Variants in TTC3 observed in about 807,000 individuals in gnomAD.
The protein encoded by TTC3 is tetratricopeptide repeat domain 3, also known as E3 ubiquitin-protein ligase TTC3.
A neutral mutation model predicts 249.6 loss-of-function variants in TTC3; 180 were observed. That is an observed-to-expected ratio of 0.72 (90% confidence interval 0.64 to 0.82). The LOEUF (loss-of-function observed/expected upper bound fraction) is 0.82. Ranked by LOEUF, TTC3 falls within the 40% of genes least tolerant of loss-of-function variation. The probability of loss-of-function intolerance (pLI) is 0.00; values close to 1 mark genes in which losing one functional copy is unlikely to be tolerated. For missense variants in TTC3, 2,061 were observed against 2,398.4 expected (o/e 0.86, Z 2.94); for synonymous variants, 717 against 805.0 (o/e 0.89, Z 1.85).
chr21:37,139,457 A>G (rs2078238652), intron 19 of TTC3, among the ~76,000 whole-genome samples: 1 of 152,166 alleles, frequency 6.6e-6, no homozygotes, highest in Admixed American at 6.5e-5. Flanking sequence ...GAAATGCTCT[A>G]GAATTACCTC....
exon 33 of TTC3, chr21:37,165,872 T>C (rs1439744534): frequency 6.2e-7 from 1 of 1,614,148 alleles, no homozygotes; most frequent in South Asian, 1.1e-5. Flanking sequence ...AGATGTAAAG[T>C]CTAAACCAGT....
intron 39 of TTC3, among the ~76,000 whole-genome samples, chr21:37,189,891 A>G (rs1366533977): frequency 2.1e-4 from 2 of 9,598 alleles, no homozygotes; most frequent in African/African-American, 9.1e-4. Flanking sequence ...TTTGTTTTTA[A>G]GATAAGGCTT....
intron 35 of TTC3, among the ~76,000 whole-genome samples, 193 bp downstream of exon 35, chr21:37,172,937 A>G (rs930975236): frequency 6.6e-6 from 1 of 152,204 alleles, no homozygotes; most frequent in African/African-American, 2.4e-5. Flanking sequence ...AACTTCTGCA[A>G]ACTGCCTTAT....
At chr21:37,090,369 C>A in intron 6 of TTC3, 83 bp downstream of exon 6, 1 of 1,253,124 alleles carries the variant, frequency 8.0e-7, no homozygotes, top group Non-Finnish European at 1.2e-6. Flanking sequence ...TGCATTGGGT[C>A]CATACACTCA....
intron 10 of TTC3, among the ~76,000 whole-genome samples, chr21:37,101,924 A>ATATG (rs1555860679): frequency 6.7e-6 from 1 of 148,448 alleles, no homozygotes; most frequent in Non-Finnish European, 1.5e-5. Flanking sequence ...TAGTTTATAT[A>ATATG]TATATATTAG....
chr21:37,152,161 C>T lies in TTC3; in HGVS notation c.2413+132C>T. 3.7e-6 allele frequency: 4 copies of T among 1,079,978 alleles called. No homozygotes were observed. In the South Asian group the frequency reaches 9.7e-5, roughly 26 times the overall value. The allele number at this position is 1,079,978 out of a possible 1,614,324, so 66.9% of individuals were successfully genotyped here. A position where few individuals can be genotyped will look rare whatever the true frequency, so the allele number is the denominator to read the frequency against. On this transcript the variant is annotated intron_variant, in intron 26 of 45. Coordinates refer to ENST00000355666, the Ensembl canonical transcript of TTC3. ...ATTTCACTTAGTAATTTAATACTAT[C>T]ACTGTCTTCTGTTACTCGAAGACAG... is the stretch of plus-strand genomic sequence containing the variant.
chr21:37,124,535 A>G (rs528251420), intron 13 of TTC3, 84 bp from the exon 14 acceptor site: 1 of 1,463,466 alleles, frequency 6.8e-7, no homozygotes, highest in Admixed American at 2.1e-5. Context: ...CTTTCAAGGA[A>G]AAAAGGCTGT....
intron 38 of TTC3, chr21:37,187,671 C>T: frequency 6.6e-6 from 1 of 152,222 alleles, no homozygotes; most frequent in Non-Finnish European, 1.5e-5. Context: ...CTCTATGTTT[C>T]TGTAGCTGAG....
chr21:37,105,549 A>G (rs1443126499), intron 10 of TTC3, among the ~76,000 whole-genome samples: 1 of 152,166 alleles, frequency 6.6e-6, no homozygotes. Context: ...TGAAAAGTAT[A>G]CAAGTGTTAA....
At chr21:37,184,697 G>C (rs112422206) in intron 36 of TTC3, among the ~76,000 whole-genome samples, 7,068 of 145,332 alleles carry the variant, frequency 0.049, 253 homozygotes, top group Non-Finnish European at 0.074. Context: ...TCGAACTCCT[G>C]ACCTCAGATG....
intron 11 of TTC3, among the ~76,000 whole-genome samples, chr21:37,116,521 T>C (rs1420429502): frequency 6.6e-6 from 1 of 152,128 alleles, no homozygotes; most frequent in African/African-American, 2.4e-5. Context: ...TAAGTGAAGC[T>C]TTAGATGCCA....
intron 15 of TTC3, among the ~76,000 whole-genome samples, chr21:37,128,510 C>T (rs1177487824): frequency 6.6e-6 from 1 of 152,212 alleles, no homozygotes; most frequent in Non-Finnish European, 1.5e-5. Flanking sequence ...CCAAATCGTA[C>T]TTCTTCCTCA....
chr21:37,103,096 T>C (rs374478639), intron 10 of TTC3, among the ~76,000 whole-genome samples: 26 of 152,306 alleles, frequency 1.7e-4, no homozygotes, highest in African/African-American at 5.3e-4. Flanking sequence ...ATTCATCATC[T>C]GGGGATGTTA....
chr21:37,127,299 C>G (rs566450155), intron 15 of TTC3, among the ~76,000 whole-genome samples: 50 of 152,242 alleles, frequency 3.3e-4, no homozygotes, highest in African/African-American at 1.1e-3. Flanking sequence ...ACACAGATAT[C>G]CAGACCATAA....
At chr21:37,095,052 C>A (rs1157687496) in intron 8 of TTC3, among the ~76,000 whole-genome samples, 1 of 151,852 alleles carries the variant, frequency 6.6e-6, no homozygotes, top group Non-Finnish European at 1.5e-5. Context: ...GAGAGGATCC[C>A]TTGGGCCTGG....
At chr21:37,196,113 T>C in intron 42 of TTC3, 77 bp downstream of exon 42, 1 of 1,543,624 alleles carries the variant, frequency 6.5e-7, no homozygotes, top group Non-Finnish European at 8.8e-7. Flanking sequence ...AAATCATGGC[T>C]AGTTAGGTGT....
intron 8 of TTC3, among the ~76,000 whole-genome samples, 188 bp from the exon 9 acceptor site, chr21:37,095,162 T>TGTGTGTGTGTGTGTGTGC (rs1450390398): frequency 3.6e-4 from 55 of 151,812 alleles, no homozygotes; most frequent in Non-Finnish European, 2.8e-4. Context: ...TGTGTGTGTG[T>TGTGTGTGTGTGTGTGTGC]GTATAGTGGG....
chr21:37,158,794 TAA>T (rs1312092605), intron 28 of TTC3, among the ~76,000 whole-genome samples: 5 of 152,192 alleles, frequency 3.3e-5, no homozygotes, highest in Admixed American at 2.6e-4. Flanking sequence ...TTTTCAGTAT[TAA>T]GAGTATAACT....
intron 21 of TTC3, among the ~76,000 whole-genome samples, chr21:37,146,573 A>T (rs191622733): frequency 8.7e-4 from 133 of 152,148 alleles, no homozygotes; most frequent in Non-Finnish European, 1.1e-3. Flanking sequence ...CCTTGGAAAC[A>T]TTATGCTAAG....
Sources: gnomAD v4.1 joint callset for allele counts (sites outside exome capture counted in the v4.1 genomes callset) on GRCh38, gnomAD v4.1.1 for gene constraint, MANE v1.5 for transcripts, NCBI Gene and HGNC (gene_info 2026-07-23, HGNC 2026-07-21) for gene names.